Variants in UPRT observed in about 807,000 individuals in gnomAD.
The protein encoded by UPRT is uracil phosphoribosyltransferase homolog.
In UPRT, 5 loss-of-function variants were observed where a neutral mutation model predicts 22.6. The ratio of observed to expected loss-of-function variants is 0.22; its 90% CI spans 0.12 to 0.47. The LOEUF (loss-of-function observed/expected upper bound fraction) is 0.47. Among genes scored for constraint, UPRT ranks in the 20% least tolerant of loss-of-function variants. The pLI is 0.99. For missense variants in UPRT, 181 were observed against 239.9 expected, an observed-to-expected ratio of 0.75 and a Z score of 1.62; for synonymous variants, 77 against 87.7, an observed-to-expected ratio of 0.88 and a Z score of 0.68.
At chrX:75,187,391 C>A (rs900182338) in intron 4 of UPRT, among the ~76,000 whole-genome samples, 202 of 111,536 alleles carry the variant, frequency 1.8e-3, no homozygotes, top group African/African-American at 6.0e-3. Context: ...CCGAGAGATC[C>A]GCTGTTAGTC....
chrX:75,252,250 G>T (rs1472094944), intron 4 of UPRT, among the ~76,000 whole-genome samples: 2 of 111,663 alleles, frequency 1.8e-5, no homozygotes, highest in Admixed American at 1.9e-4. Context: ...CACAACAAAA[G>T]AAACTACCAT....
Position 75,247,802 on chromosome X carries a change from G to A in UPRT, c.-446-43222G>A, listed in dbSNP as rs1287587000. On this transcript the variant is annotated intron_variant, in intron 4 of 13. Coordinates refer to the UPRT transcript ENST00000652605. The stretch of plus-strand genomic sequence containing the variant: ...CAAGTGGGTCTCTGACCCCCGAGTA[G>A]CCTAACTAGGAGGCACCCCTCAGTA... Among the ~76,000 whole-genome samples the A allele has an allele frequency of 6.2e-5, 7 of 112,209 alleles. No individual in the cohort carries two copies. In the East Asian group the frequency reaches 1.4e-3, roughly 23 times the overall value.
chrX:75,246,693 A>G (rs1341164476), intron 4 of UPRT, among the ~76,000 whole-genome samples: 1 of 111,531 alleles, frequency 9.0e-6, no homozygotes, highest in Admixed American at 9.5e-5. Flanking sequence ...GTCTTCCACA[A>G]TGGTTGAACC....
chrX:75,221,053 T>C lies in UPRT; in HGVS notation c.-447+53174T>C, dbSNP rs758740074. On this transcript the variant is annotated intron_variant, in intron 4 of 13. Coordinates refer to the UPRT transcript ENST00000652605. ...TCATTTGTCTAGGAAAGTATTTTTC[T>C]TTTACATTTAAAAGACATTTTTATG... Among the ~76,000 whole-genome samples the C allele has an allele frequency of 1.3e-4, 14 of 111,998 alleles. No individual in the cohort carries two copies. The South Asian group carries it at 5.2e-3, about 41-fold the overall frequency.
intron 4 of UPRT, among the ~76,000 whole-genome samples, chrX:75,196,042 G>GA (rs1188452220): frequency 1.4e-3 from 157 of 110,765 alleles, no homozygotes; most frequent in Non-Finnish European, 2.3e-3. Flanking sequence ...TTTCCGTACT[G>GA]AAAAAAAAAG....
At chrX:75,296,248 G>A in intron 2 of UPRT, 94 bp from the exon 3 acceptor site, 1 of 890,655 alleles carries the variant, frequency 1.1e-6, no homozygotes, top group Non-Finnish European at 1.6e-6. Flanking sequence ...TGCCTAGTGT[G>A]TTCATGACTC....
At chrX:75,189,057 C>A (rs1305555711) in intron 4 of UPRT, among the ~76,000 whole-genome samples, 1 of 112,088 alleles carries the variant, frequency 8.9e-6, no homozygotes, top group Admixed American at 9.4e-5. Flanking sequence ...TTCTCTAGTT[C>A]TTTTATTTGT....
chrX:75,270,965 G>GGT (rs1483516523), upstream of UPRT, among the ~76,000 whole-genome samples: 1 of 111,024 alleles, frequency 9.0e-6, no homozygotes, highest in Non-Finnish European at 1.9e-5. Context: ...TAAACAAGAA[G>GGT]GTGAAAGACC....
At chrX:75,204,117 C>T (rs183863754) in intron 4 of UPRT, among the ~76,000 whole-genome samples, 3 of 108,650 alleles carry the variant, frequency 2.8e-5, no homozygotes, top group Admixed American at 9.8e-5. Flanking sequence ...GTTCAGCCTT[C>T]GGGAGATAAA....
intron 2 of UPRT, among the ~76,000 whole-genome samples, chrX:75,162,918 CA>C (rs747841315): frequency 8.9e-6 from 1 of 111,862 alleles, no homozygotes; most frequent in East Asian, 2.8e-4. Flanking sequence ...TGCTCCGTAA[CA>C]AACTAACACA....
chrX:75,289,985 A>G (rs946999608), intron 1 of UPRT, among the ~76,000 whole-genome samples: 2 of 112,212 alleles, frequency 1.8e-5, no homozygotes, highest in African/African-American at 6.5e-5. Flanking sequence ...TCTGCACAGC[A>G]AAAGAAACTA....
chrX:75,256,113 C>CCT (rs1421801389), intron 4 of UPRT, among the ~76,000 whole-genome samples: 1 of 111,598 alleles, frequency 9.0e-6, no homozygotes, highest in Non-Finnish European at 1.9e-5. Context: ...ATATGATAAG[C>CCT]CACAAAAGGT....
intron 4 of UPRT, among the ~76,000 whole-genome samples, chrX:75,264,226 A>G (rs1184844107): frequency 9.0e-6 from 1 of 111,693 alleles, no homozygotes; most frequent in African/African-American, 3.3e-5. Context: ...AGTTCTGTAG[A>G]TGTCTATTAG....
intron 4 of UPRT, among the ~76,000 whole-genome samples, chrX:75,198,201 G>A (rs1164956027): frequency 1.8e-5 from 2 of 112,511 alleles, no homozygotes; most frequent in Non-Finnish European, 3.8e-5. Flanking sequence ...ACAATATGGA[G>A]GCATCTCCCA....
At chrX:75,181,014 A>C (rs1165732471) in intron 4 of UPRT, among the ~76,000 whole-genome samples, 2 of 110,483 alleles carry the variant, frequency 1.8e-5, no homozygotes, top group Non-Finnish European at 3.8e-5. Context: ...TTATGTCTTC[A>C]ATCCATCTTT....
chrX:75,168,615 C>T (rs1477383018), intron 4 of UPRT, among the ~76,000 whole-genome samples: 2 of 111,005 alleles, frequency 1.8e-5, no homozygotes, highest in Admixed American at 9.5e-5. Flanking sequence ...CCGCAACCTC[C>T]GCCTCCCGGG....
At chrX:75,162,847 G>A (rs1297540139) in intron 2 of UPRT, among the ~76,000 whole-genome samples, 1 of 111,713 alleles carries the variant, frequency 9.0e-6, no homozygotes, top group Non-Finnish European at 1.9e-5. Flanking sequence ...CAGGTACATC[G>A]AGGTAGTACT....
At chrX:75,177,785 C>G (rs187601855) in intron 4 of UPRT, among the ~76,000 whole-genome samples, 1 of 112,017 alleles carries the variant, frequency 8.9e-6, no homozygotes, top group Non-Finnish European at 1.9e-5. Context: ...AAAATTATGT[C>G]TTTCCGATTG....
chrX:75,226,482 T>A (rs1319633158), intron 4 of UPRT, among the ~76,000 whole-genome samples: 1 of 112,111 alleles, frequency 8.9e-6, no homozygotes, highest in Non-Finnish European at 1.9e-5. Flanking sequence ...CTCTATGATC[T>A]TATCTGCTAT....
Sources: allele counts gnomAD v4.1 joint callset (sites outside exome capture counted in the v4.1 genomes callset), GRCh38; gene constraint gnomAD v4.1.1; transcripts MANE v1.5; gene names NCBI Gene and HGNC (gene_info 2026-07-23, HGNC 2026-07-21).